The following SEMA7A variants were observed in gnomAD, a reference collection of about 807,000 sequenced individuals.
SEMA7A encodes the protein semaphorin-7A.
A neutral mutation model predicts 67.5 loss-of-function variants in SEMA7A; 21 were observed. The ratio of observed to expected loss-of-function variants is 0.31; its 90% confidence interval spans 0.22 to 0.45. The LOEUF is 0.45. Among genes scored for constraint, SEMA7A ranks in the 20% least tolerant of loss-of-function variants. The probability of loss-of-function intolerance (pLI) is 1.00; values close to 1 mark genes in which losing one functional copy is unlikely to be tolerated. For synonymous variants in SEMA7A, 364 were observed against 368.5 expected, an observed-to-expected ratio of 0.99 and a Z score of 0.14; for missense variants, 774 against 908.6, an observed-to-expected ratio of 0.85 and a Z score of 1.90.
chr15:74,433,167 G>T (rs2061105219), intron 1 of SEMA7A, among the ~76,000 whole-genome samples: 1 of 152,018 alleles, frequency 6.6e-6, no homozygotes, highest in South Asian at 2.1e-4. Context: ...ATGTCCCGCC[G>T]CTCGCTGCAG....
At chr15:74,433,480 G>A in intron 1 of SEMA7A, 1 of 1,036,282 alleles carries the variant, frequency 9.6e-7, no homozygotes, top group Non-Finnish European at 1.2e-6. Flanking sequence ...GCGGCTCCTG[G>A]CTGCCAGGGA....
Position 74,416,185 on chromosome 15 carries a change from C to A in SEMA7A, c.802-200G>T, listed in dbSNP as rs79910850. On this transcript the variant is annotated intron_variant, in intron 7 of 13. Coordinates refer to ENST00000261918, the MANE Select transcript of SEMA7A (RefSeq NM_003612.5). ...CTCCAGCAAGCAGGCCTGGCTGATC[C>A]AGAGCCCAGGGCCAGCAGTGCCCAG... 4.0e-3 allele frequency among the ~76,000 whole-genome samples: 602 copies of A among 152,238 alleles called. 3 individuals carry two copies. The highest frequency in any genetic ancestry group is 0.014 in the African/African-American group (577 of 41,524).
At chr15:74,429,545 T>C (rs909094379) in intron 1 of SEMA7A, among the ~76,000 whole-genome samples, 3 of 152,206 alleles carry the variant, frequency 2.0e-5, no homozygotes, top group South Asian at 4.1e-4. Context: ...GGGAAAGCCA[T>C]GGTCTCCCTG....
intron 3 of SEMA7A, 90 bp downstream of exon 3, chr15:74,418,178 G>T: frequency 7.3e-7 from 1 of 1,363,642 alleles, no homozygotes; most frequent in Non-Finnish European, 1.0e-6. Flanking sequence ...GACTCGTGGG[G>T]CAGGGCCATG....
chr15:74,416,276 T>A (rs1277084637), intron 7 of SEMA7A, among the ~76,000 whole-genome samples: 1 of 151,434 alleles, frequency 6.6e-6, no homozygotes, highest in East Asian at 1.9e-4. Context: ...ATTTACTGAC[T>A]CACACACCCA....
intron 1 of SEMA7A, among the ~76,000 whole-genome samples, chr15:74,419,597 A>G (rs2060982277): frequency 6.6e-6 from 1 of 152,244 alleles, no homozygotes; most frequent in South Asian, 2.1e-4. Flanking sequence ...ATGGGAAAAC[A>G]GAGGCCAAGG....
At chr15:74,412,041 G>A in intron 10 of SEMA7A, 29 bp from the exon 11 acceptor site, 1 of 1,612,860 alleles carries the variant, frequency 6.2e-7, no homozygotes, top group Non-Finnish European at 8.5e-7. Context: ...GGGTCAGTGG[G>A]CGGGAGTCCC....
At chr15:74,418,706 A>G (rs2060973680) in intron 2 of SEMA7A, 95 bp downstream of exon 2, 11 of 1,423,154 alleles carry the variant, frequency 7.7e-6, no homozygotes, top group Non-Finnish European at 1.1e-5. Flanking sequence ...GTTTAGGAAG[A>G]GAAGCCAGCT....
In SEMA7A at chr15:74,417,329, A is replaced by G; in HGVS notation, c.661+6T>C. 5 of 1,610,670 alleles carry G rather than the reference A, an allele frequency of 3.1e-6. No individual in the cohort carries two copies. In the South Asian group the frequency reaches 5.5e-5, roughly 18 times the overall value. The stretch of plus-strand genomic sequence containing the variant: ...CCACCCTCAGCCCAGCCGGAGCCTG[A>G]CTCACTCTGCATGACAGTATCACTG... On this transcript the variant is annotated splice_donor_region_variant and intron_variant, in intron 6 of 13. Transcript: ENST00000261918.
At chr15:74,413,402 C>T (rs1199255841) in intron 10 of SEMA7A, among the ~76,000 whole-genome samples, 2 of 152,206 alleles carry the variant, frequency 1.3e-5, no homozygotes, top group African/African-American at 2.4e-5. Flanking sequence ...GCCCTTAGAA[C>T]GAAGACACCT....
chr15:74,424,471 C>T (rs988824842), intron 1 of SEMA7A, among the ~76,000 whole-genome samples: 4 of 152,204 alleles, frequency 2.6e-5, no homozygotes, highest in Non-Finnish European at 4.4e-5. Context: ...GACCAGCCCA[C>T]CAAACCTCCA....
rs1229302405 is a variant in SEMA7A at position 74,414,635 on chromosome 15, G to C, written c.1206C>G (p.Phe402Leu). 6.2e-7 allele frequency: 1 copy of C among 1,614,078 alleles called. No homozygotes were observed. Among genetic ancestry groups the C allele is most frequent in the Admixed American group, 1.7e-5 (1 of 60,000 alleles). The change falls in exon 10 of 14, where the codon TTC becomes TTG. Residue 402 changes from phenylalanine to leucine, a missense_variant. Coordinates refer to ENST00000261918, the MANE Select transcript of SEMA7A (RefSeq NM_003612.5). The surrounding 1 kb of genome is among the most constrained non-coding windows in gnomAD (Gnocchi z 4.1). ...CTTTCTGGTAGTGGTATTTAGAGTGGAACAATGGCGTCTTCAGAGGCCCCA... is the reference window on the plus strand; with the variant it reads ...CTTTCTGGTAGTGGTATTTAGAGTGCAACAATGGCGTCTTCAGAGGCCCCA... The part of the protein sequence containing the change: ...EPMGPLKTPL[F>L]HSKYHYQKVA...
rs759245579 is a variant in SEMA7A, at chr15:74,423,820, A to G, written c.179-4868T>C. Reference sequence around the variant, plus strand: ...AACAAATGTTTCTGTCTCTCCTGATATGGCCAGGAAGAGGGTGTGAGAAGC... The same window carrying G: ...AACAAATGTTTCTGTCTCTCCTGATGTGGCCAGGAAGAGGGTGTGAGAAGC... On this transcript the variant is annotated intron_variant, in intron 1 of 13. Coordinates refer to ENST00000261918, the MANE Select transcript of SEMA7A (RefSeq NM_003612.5). This position sits in a 1 kb window ranked among gnomAD's most constrained non-coding sequence, Gnocchi z 4.1. Among the ~76,000 whole-genome samples the G allele has an allele frequency of 6.6e-5, 10 of 152,168 alleles. No individual in the cohort carries two copies. Among genetic ancestry groups the G allele is most frequent in the Non-Finnish European group, 1.5e-4 (10 of 68,024 alleles).
In SEMA7A at chr15:74,418,261, C is replaced by G. The variant is rs201477259; in HGVS notation, c.372+7G>C. 4.6e-4 allele frequency: 736 copies of G among 1,612,954 alleles called. No individual in the cohort carries two copies. Among genetic ancestry groups the G allele is most frequent in the Middle Eastern group, 2.1e-3 (13 of 6,052 alleles). ...TCAGACCCCTCCATACCCCCTCCCCCACTCACCCGCTTATCCAGACAGGAC... is the reference window on the plus strand; with the variant it reads ...TCAGACCCCTCCATACCCCCTCCCCGACTCACCCGCTTATCCAGACAGGAC... On this transcript the variant is annotated splice_region_variant and intron_variant, in intron 3 of 13. Transcript: ENST00000261918.
intron 1 of SEMA7A, 103 bp from the exon 2 acceptor site, chr15:74,419,055 G>T (rs932434195): frequency 7.5e-7 from 1 of 1,329,492 alleles, no homozygotes; most frequent in Non-Finnish European, 1.0e-6. Flanking sequence ...TGGTGCTCAG[G>T]GTCCTGGCAG....
rs2060944496 is a variant in SEMA7A at position 74,415,967 on chromosome 15, T to C, written c.820A>G (p.Ser274Gly). The part of the protein sequence containing the change: ...QLCRGDQGGE[S>G]SLSVSKWNTF... ...TTCCACTTGGAGACTGACAGTGAAC[T>C]TTCCCCACCCTGGTCCCCCTGGAAG... is the stretch of plus-strand genomic sequence containing the variant. The change falls in exon 8 of 14, where the codon AGT becomes GGT. Residue 274 changes from serine to glycine, a missense_variant. Around this residue, in one of 2 missense-constraint regions of SEMA7A, gnomAD observed 427 missense variants for 555.4 expected, o/e 0.77. Coordinates refer to ENST00000261918, the MANE Select transcript of SEMA7A (RefSeq NM_003612.5). The C allele has an allele frequency of 6.2e-7, 1 of 1,613,856 alleles. No individual in the cohort carries two copies.
chr15:74,426,791 C>T (rs1042747238), intron 1 of SEMA7A, among the ~76,000 whole-genome samples: 1 of 152,176 alleles, frequency 6.6e-6, no homozygotes, highest in African/African-American at 2.4e-5. Context: ...AAAAGTACTG[C>T]ATGCTCTGAA....
intron 4 of SEMA7A, 25 bp from the exon 5 acceptor site, chr15:74,417,700 T>C (rs745850984): frequency 3.8e-6 from 6 of 1,596,748 alleles, no homozygotes; most frequent in South Asian, 3.3e-5. Flanking sequence ...GAGGGTTGGA[T>C]GGCCACATAA....
chr15:74,421,688 C>T (rs1231340103), intron 1 of SEMA7A, among the ~76,000 whole-genome samples: 1 of 152,144 alleles, frequency 6.6e-6, no homozygotes, highest in Non-Finnish European at 1.5e-5. Context: ...TGATTGTGCC[C>T]GGGAAGTGTC....
Sources: gnomAD v4.1 joint callset for allele counts (sites outside exome capture counted in the v4.1 genomes callset) on GRCh38, gnomAD v4.1.1 for gene constraint, gnomAD v4.1.1 regional missense constraint, Gnocchi (gnomAD v3.1) non-coding constraint, MANE v1.5 for transcripts, NCBI Gene and HGNC (gene_info 2026-07-23, HGNC 2026-07-21) for gene names.